Variants in TRIM6 observed in about 807,000 individuals in gnomAD.
TRIM6 encodes the protein tripartite motif containing 6.
A neutral mutation model predicts 51.2 loss-of-function variants in TRIM6; 43 were observed. That is an observed-to-expected ratio of 0.84 (90% confidence interval 0.66 to 1.08). TRIM6 has a LOEUF of 1.08. TRIM6 is among the 50% of genes least tolerant of loss of function. The probability of loss-of-function intolerance (pLI) is 0.00; values close to 1 mark genes in which losing one functional copy is unlikely to be tolerated. For synonymous variants in TRIM6, 215 were observed against 232.4 expected, an observed-to-expected ratio of 0.93 and a Z score of 0.68; for missense variants, 669 against 619.0, an observed-to-expected ratio of 1.08 and a Z score of -0.86.
intron 1 of TRIM6, among the ~76,000 whole-genome samples, chr11:5,597,830 C>T (rs948467888): frequency 1.3e-5 from 2 of 152,186 alleles, no homozygotes; most frequent in African/African-American, 2.4e-5. Context: ...AGCTGTTTTG[C>T]ACCCTAAATT....
At chr11:5,609,997 C>A (rs905337390) in intron 5 of TRIM6, 148 bp from the exon 6 acceptor site, 2 of 720,850 alleles carry the variant, frequency 2.8e-6, no homozygotes, top group Non-Finnish European at 2.3e-6. Flanking sequence ...TCTTCTGGCT[C>A]CAGTGCCAGG....
chr11:5,600,856 T>G (rs779723602), intron 1 of TRIM6, among the ~76,000 whole-genome samples: 1 of 152,238 alleles, frequency 6.6e-6, no homozygotes, highest in Non-Finnish European at 1.5e-5. Flanking sequence ...CTGGCTCTTC[T>G]TTGGTGGCCC....
intron 5 of TRIM6, 62 bp from the exon 6 acceptor site, chr11:5,610,083 G>A (rs577067246): frequency 2.1e-4 from 327 of 1,568,940 alleles, no homozygotes; most frequent in Middle Eastern, 1.4e-3. Flanking sequence ...AGGTAAGGGA[G>A]ATGGGTGGTG....
At chr11:5,601,066 C>T (rs1268324543) in intron 1 of TRIM6, among the ~76,000 whole-genome samples, 1 of 152,152 alleles carries the variant, frequency 6.6e-6, no homozygotes, top group East Asian at 1.9e-4. Flanking sequence ...TCTCAACTGC[C>T]TTACCGGCCA....
At position 5,612,840 on chromosome 11, in the gene TRIM6, A is replaced by C. The variant is rs183926125; in HGVS notation, c.*1498A>C. ...TGTATAAAATATATACCAGATTTCA[A>C]ATACCTACTTCAAAAAATAATGTAA... On this transcript the variant is annotated 3_prime_UTR_variant, in exon 8 of 8. Coordinates refer to ENST00000380097, the MANE Select transcript of TRIM6 (RefSeq NM_001003818.3). The C allele has an allele frequency of 6.6e-6, 1 of 152,334 alleles. No homozygotes were observed. The highest frequency in any genetic ancestry group is 6.5e-5 in the Admixed American group (1 of 15,296). The allele number at this position is 152,334 out of a possible 1,614,324, so 9.4% of individuals were successfully genotyped here.
At chr11:5,596,983 G>T in intron 1 of TRIM6, 69 bp downstream of exon 1, 1 of 1,610,906 alleles carries the variant, frequency 6.2e-7, no homozygotes, top group Non-Finnish European at 8.5e-7. Context: ...CAGTGAAAGA[G>T]ATAAGGTCCT....
rs144539788 is a variant in TRIM6 at position 5,604,428 on chromosome 11, C to T, written c.508-106C>T. 1,282 of 1,272,300 alleles carry T rather than the reference C, an allele frequency of 1.0e-3. 14 individuals carry two copies. The East Asian group carries it at 0.021, about 21-fold the overall frequency. 78.8% of individuals were successfully genotyped at this position (1,272,300 alleles called of 1,614,324 possible). A position where few individuals can be genotyped will look rare whatever the true frequency, so the allele number is the denominator to read the frequency against. On this transcript the variant is annotated intron_variant, in intron 2 of 7. Coordinates refer to ENST00000380097, the MANE Select transcript of TRIM6 (RefSeq NM_001003818.3). ...CTCAAGTTTTCATCCTAGGTTAGGA[C>T]AGGCTTCTTTTGAGGTTAGCAGAAT...
chr11:5,600,504 C>T (rs930950822), intron 1 of TRIM6, among the ~76,000 whole-genome samples: 1 of 152,140 alleles, frequency 6.6e-6, no homozygotes, highest in African/African-American at 2.4e-5. Context: ...CCAGCAGGGC[C>T]GCTAGGAGGC....
chr11:5,605,572 G>A lies in TRIM6; in HGVS notation c.834+5G>A. On this transcript the variant is annotated splice_donor_5th_base_variant and intron_variant, in intron 4 of 7. Coordinates refer to ENST00000380097, the MANE Select transcript of TRIM6 (RefSeq NM_001003818.3). ...TCAACAATGGAGCTGCTGCAGGTAA[G>A]GCTTGTGAAGGAGCCCAGATCTGAG... The A allele has an allele frequency of 6.2e-7, 1 of 1,609,940 alleles. No individual in the cohort carries two copies. The highest frequency in any genetic ancestry group is 8.5e-7 in the Non-Finnish European group (1 of 1,178,588).
chr11:5,597,523 T>C, intron 1 of TRIM6, among the ~76,000 whole-genome samples: 1 of 152,164 alleles, frequency 6.6e-6, no homozygotes, highest in East Asian at 1.9e-4. Flanking sequence ...AGGTTAAATA[T>C]AACCCTACAC....
At chr11:5,597,556 C>A (rs1428008021) in intron 1 of TRIM6, among the ~76,000 whole-genome samples, 1 of 151,996 alleles carries the variant, frequency 6.6e-6, no homozygotes, top group East Asian at 1.9e-4. Flanking sequence ...AAATGTTATT[C>A]CTAAAGTGCA....
At chr11:5,606,666 A>T (rs1848228673) in intron 4 of TRIM6, among the ~76,000 whole-genome samples, 1 of 151,880 alleles carries the variant, frequency 6.6e-6, no homozygotes, top group South Asian at 2.1e-4. Flanking sequence ...TATTACCCTG[A>T]TACTTTCTCC....
At chr11:5,599,344 T>G (rs927375279) in intron 1 of TRIM6, among the ~76,000 whole-genome samples, 1 of 152,202 alleles carries the variant, frequency 6.6e-6, no homozygotes, top group Admixed American at 6.5e-5. Flanking sequence ...TGAATTGGAA[T>G]TGGACTTTCA....
chr11:5,604,477 T>C, intron 2 of TRIM6, 57 bp from the exon 3 acceptor site: 1 of 1,561,186 alleles, frequency 6.4e-7, no homozygotes, highest in Non-Finnish European at 8.7e-7. Flanking sequence ...ATTCTATGTC[T>C]GGGTACTGAG....
chr11:5,604,870 C>T (rs570827732), intron 3 of TRIM6: 2 of 475,650 alleles, frequency 4.2e-6, no homozygotes, highest in South Asian at 6.5e-5. Context: ...TAGGGGTCGC[C>T]CCAATTCATA....
upstream of TRIM6, among the ~76,000 whole-genome samples, chr11:5,596,412 TATGTAGAGGAGGC>T (rs1847447431): frequency 1.8e-3 from 1 of 558 alleles, no homozygotes; most frequent in African/African-American, 2.1e-3. Context: ...CAAGCTGAAG[TATGTAGAGGAGGC>T]AGCTCTGGAA....
At position 5,605,045 on chromosome 11, in the gene TRIM6, G is replaced by A; in HGVS notation, c.604-292G>A. The A allele has an allele frequency of 6.2e-6, 3 of 480,532 alleles. No individual in the cohort carries two copies. In the South Asian group the frequency reaches 6.4e-5, roughly 10 times the overall value. The allele number at this position is 480,532 out of a possible 1,614,324, so 29.8% of individuals were successfully genotyped here. ...CTCAGTACTCGAAATTGGAAGAGGA[G>A]GCTGATGCAGAGGTGAGGGAGGCTT... is the stretch of plus-strand genomic sequence containing the variant. On this transcript the variant is annotated intron_variant, in intron 3 of 7. Coordinates refer to ENST00000380097, the MANE Select transcript of TRIM6 (RefSeq NM_001003818.3).
intron 1 of TRIM6, among the ~76,000 whole-genome samples, chr11:5,601,599 A>C (rs868498791): frequency 6.6e-6 from 1 of 152,136 alleles, no homozygotes; most frequent in South Asian, 2.1e-4. Flanking sequence ...CTCTACTAAA[A>C]ATACAAAAAT....
chr11:5,597,272 G>A (rs7936854), intron 1 of TRIM6, among the ~76,000 whole-genome samples: 76,309 of 151,944 alleles, frequency 0.5, 19,597 homozygotes, highest in Middle Eastern at 0.71. Flanking sequence ...GGTGAGGATT[G>A]AGTGAGACAG....
Sources: gnomAD v4.1 joint callset for allele counts (sites outside exome capture counted in the v4.1 genomes callset) on GRCh38, gnomAD v4.1.1 for gene constraint, MANE v1.5 for transcripts, NCBI Gene and HGNC (gene_info 2026-07-23, HGNC 2026-07-21) for gene names.